ARF3: variants seen among roughly 807,000 people sequenced by gnomAD.
ARF3 encodes the protein ADP-ribosylation factor 3.
In ARF3, 5 loss-of-function variants were observed where a neutral mutation model predicts 19.3. That is an observed-to-expected ratio of 0.26 (90% CI 0.14 to 0.54). ARF3 has a LOEUF of 0.54. ARF3 is among the 20% of genes least tolerant of loss of function. The probability of loss-of-function intolerance (pLI) is 0.95; values close to 1 mark genes in which losing one functional copy is unlikely to be tolerated. For missense variants in ARF3, 77 were observed against 234.2 expected (o/e 0.33, Z 4.38); for synonymous variants, 71 against 89.2 (o/e 0.80, Z 1.15).
intron 2 of ARF3, 79 bp downstream of exon 2, chr12:48,940,869 C>A: frequency 6.8e-7 from 1 of 1,468,064 alleles, no homozygotes; most frequent in Non-Finnish European, 9.0e-7. Flanking sequence ...GAGAAGAGGC[C>A]AGGTTGGGGA....
chr12:48,945,469 G>A (rs1270660069), intron 1 of ARF3, among the ~76,000 whole-genome samples: 2 of 152,040 alleles, frequency 1.3e-5, no homozygotes, highest in Non-Finnish European at 2.9e-5. Context: ...GCTGAGGCAG[G>A]AGAATTGCTG....
chr12:48,942,080 C>T (rs1026763238), intron 1 of ARF3, among the ~76,000 whole-genome samples: 1 of 152,050 alleles, frequency 6.6e-6, no homozygotes, highest in Non-Finnish European at 1.5e-5. Flanking sequence ...TGTTCAAAAC[C>T]CACTCGTGGC....
intron 1 of ARF3, among the ~76,000 whole-genome samples, chr12:48,952,639 C>T (rs980516081): frequency 9.9e-5 from 15 of 152,162 alleles, no homozygotes; most frequent in Non-Finnish European, 2.2e-4. Context: ...TTGTGCAAGT[C>T]AAGATGGAGC....
chr12:48,939,924 T>C lies in ARF3; in HGVS notation c.259+73A>G, dbSNP rs564928806. The C allele has an allele frequency of 1.2e-5, 19 of 1,582,984 alleles. No individual in the cohort carries two copies. In the African/African-American group the frequency reaches 1.2e-4, roughly 10 times the overall value. On this transcript the variant is annotated intron_variant, in intron 3 of 4. Coordinates refer to ENST00000256682, the MANE Select transcript of ARF3 (RefSeq NM_001659.3). The surrounding 1 kb of genome is among the most constrained non-coding windows in gnomAD (Gnocchi z 4.8). ...CCCAGGAGCTGCAGCAGGGTAACAG[T>C]TGGCCACCCATTAACAAAGACAGCC...
At chr12:48,942,883 G>A (rs1328834722) in intron 1 of ARF3, among the ~76,000 whole-genome samples, 3 of 152,166 alleles carry the variant, frequency 2.0e-5, no homozygotes, top group Non-Finnish European at 2.9e-5. Context: ...CAGGCGGGTG[G>A]ATCACCTGAG....
chr12:48,947,057 T>A (rs1047528815), intron 1 of ARF3, among the ~76,000 whole-genome samples: 1 of 152,222 alleles, frequency 6.6e-6, no homozygotes, highest in Non-Finnish European at 1.5e-5. Context: ...CACTAAGAGA[T>A]GCTATTTTTA....
chr12:48,949,313 C>T (rs959679929), intron 1 of ARF3, among the ~76,000 whole-genome samples: 6 of 152,094 alleles, frequency 3.9e-5, no homozygotes, highest in Non-Finnish European at 8.8e-5. Context: ...GCAAGCTCTG[C>T]CTCCCGGGTT....
In ARF3 at chr12:48,944,698, C is replaced by T. The variant is rs376159981; in HGVS notation, c.-93-3510G>A. On this transcript the variant is annotated intron_variant, in intron 1 of 4. Transcript: ENST00000256682. ...TTTGGTATCTCTGTGTAATGCACAG[C>T]GAGTTGCTTAGCTATCCTGTCCATT... Among the ~76,000 whole-genome samples the T allele has an allele frequency of 8.5e-5, 13 of 152,292 alleles. No homozygotes were observed. In the South Asian group the frequency reaches 2.5e-3, roughly 29 times the overall value.
chr12:48,953,321 C>G (rs1280662488), intron 1 of ARF3: 1 of 152,122 alleles, frequency 6.6e-6, no homozygotes, highest in Non-Finnish European at 1.5e-5. Flanking sequence ...AATTATACCC[C>G]ACCCCCATTT....
At chr12:48,955,135 T>C (rs1007696080) in intron 1 of ARF3, among the ~76,000 whole-genome samples, 2 of 152,332 alleles carry the variant, frequency 1.3e-5, no homozygotes, top group East Asian at 1.9e-4. Context: ...CTTCCTCTTA[T>C]TATGACTCTA....
At chr12:48,952,907 G>GC (rs1251397120) in intron 1 of ARF3, among the ~76,000 whole-genome samples, 4 of 152,230 alleles carry the variant, frequency 2.6e-5, no homozygotes, top group Non-Finnish European at 5.9e-5. Context: ...GATCCTATCA[G>GC]CCACTGGATG....
intron 1 of ARF3, among the ~76,000 whole-genome samples, chr12:48,952,757 G>A (rs945276378): frequency 3.3e-5 from 5 of 152,240 alleles, no homozygotes; most frequent in Non-Finnish European, 7.3e-5. Context: ...TAGGGAATAA[G>A]AGTTACCTGC....
At chr12:48,943,796 G>A (rs1363100350) in intron 1 of ARF3, among the ~76,000 whole-genome samples, 1 of 152,178 alleles carries the variant, frequency 6.6e-6, no homozygotes, top group Non-Finnish European at 1.5e-5. Context: ...GGCACTCTCA[G>A]TAGGTTCCCC....
chr12:48,950,054 T>C (rs1484724532), intron 1 of ARF3, among the ~76,000 whole-genome samples: 1 of 152,182 alleles, frequency 6.6e-6, no homozygotes, highest in East Asian at 1.9e-4. Flanking sequence ...AACTTTTTCT[T>C]TTTTAGAGAT....
At position 48,949,415 on chromosome 12, in the gene ARF3, C is replaced by T. The variant is rs189233801; in HGVS notation, c.-94+7895G>A. Among the ~76,000 whole-genome samples, 12 of 152,234 alleles carry T rather than the reference C, an allele frequency of 7.9e-5. No individual in the cohort carries two copies. The East Asian group carries it at 1.2e-3, about 15-fold the overall frequency. On this transcript the variant is annotated intron_variant, in intron 1 of 4. Coordinates refer to ENST00000256682, the MANE Select transcript of ARF3 (RefSeq NM_001659.3). Reference sequence around the variant, plus strand: ...TAATTTTTTGTATTTTTAGTAGAGACGGGGTTTCACCATGTTGGCCAGAAT... The same window carrying T: ...TAATTTTTTGTATTTTTAGTAGAGATGGGGTTTCACCATGTTGGCCAGAAT...
chr12:48,953,932 T>C (rs183705951), intron 1 of ARF3, among the ~76,000 whole-genome samples: 2 of 152,350 alleles, frequency 1.3e-5, no homozygotes, highest in Admixed American at 6.5e-5. Flanking sequence ...TTCTAGGCCA[T>C]GATATTCTGA....
chr12:48,956,977 C>A, intron 1 of ARF3: 1 of 152,772 alleles, frequency 6.5e-6, no homozygotes, highest in Non-Finnish European at 1.5e-5. Flanking sequence ...TCACCGCCCC[C>A]TCATCACCTC....
rs1259690431 is a variant in ARF3 at position 48,937,714 on chromosome 12, A to T, written c.*1233T>A. On this transcript the variant is annotated 3_prime_UTR_variant, in exon 5 of 5. Transcript: ENST00000256682. ...GACTAGAAAACAAGAGTTGGAGAAGAGGGGGGTTGATACTAAGGTCAGCTA... is the reference window on the plus strand; with the variant it reads ...GACTAGAAAACAAGAGTTGGAGAAGTGGGGGGTTGATACTAAGGTCAGCTA... 1 of 152,250 alleles carries T rather than the reference A, an allele frequency of 6.6e-6. No homozygotes were observed. Among genetic ancestry groups the T allele is most frequent in the Non-Finnish European group, 1.5e-5 (1 of 68,082 alleles). The allele number at this position is 152,250 out of a possible 1,614,324, so 9.4% of individuals were successfully genotyped here.
rs1473425606 is a variant in ARF3 at position 48,941,063 on chromosome 12, G to A, written c.33C>T (p.Ser11=). The change falls in exon 2 of 5, where the codon AGC becomes AGT. Residue 11 remains serine (S), a synonymous_variant. Transcript: ENST00000256682. MGNIFGNLLK[S]LIGKKEMRIL... is the part of the protein sequence containing the mutation. ...TGCGCATCTCCTTCTTCCCAATCAG[G>A]CTCTTGAGAAGGTTTCCAAAGATAT... The A allele has an allele frequency of 4.3e-6, 7 of 1,613,820 alleles. No individual in the cohort carries two copies. In the East Asian group the frequency reaches 1.3e-4, roughly 31 times the overall value.
Sources: gnomAD v4.1 joint callset for allele counts (sites outside exome capture counted in the v4.1 genomes callset) on GRCh38, gnomAD v4.1.1 for gene constraint, Gnocchi (gnomAD v3.1) non-coding constraint, MANE v1.5 for transcripts, NCBI Gene and HGNC (gene_info 2026-07-23, HGNC 2026-07-21) for gene names.